Variants in FBXO4 observed in about 807,000 individuals in gnomAD.
FBXO4 encodes F-box only protein 4.
Under a neutral mutation model 43.7 loss-of-function variants are expected in FBXO4, and 36 were observed. The observed-to-expected ratio is 0.82, with a 90% CI of 0.63 to 1.09. The LOEUF (loss-of-function observed/expected upper bound fraction) is 1.09, where lower values mean the gene tolerates loss of function less well. Among genes scored for constraint, FBXO4 ranks in the 50% least tolerant of loss-of-function variants. The pLI, the probability that FBXO4 is intolerant of heterozygous loss-of-function variation, is 0.00. For synonymous variants in FBXO4, 180 were observed against 165.6 expected (o/e 1.09, Z -0.67); for missense variants, 435 against 474.1 (o/e 0.92, Z 0.77).
the FBXO4 span, among the ~76,000 whole-genome samples, chr5:42,020,706 A>C: frequency 1.3e-5 from 2 of 152,172 alleles, no homozygotes; most frequent in African/African-American, 4.8e-5. Flanking sequence ...AAATAGAAGA[A>C]ACCACAGCCA....
intron 1 of FBXO4, among the ~76,000 whole-genome samples, chr5:41,925,816 G>A (rs1344737854): frequency 1.3e-5 from 2 of 152,166 alleles, no homozygotes; most frequent in South Asian, 2.1e-4. Flanking sequence ...CTGAATGTCC[G>A]GTTACGGAAA....
the FBXO4 span, among the ~76,000 whole-genome samples, chr5:41,985,579 G>C: frequency 4.6e-5 from 7 of 152,118 alleles, no homozygotes; most frequent in Non-Finnish European, 8.8e-5. Context: ...GAAGAATATA[G>C]GCTTAGTGTT....
intron 5 of FBXO4, chr5:41,934,786 GTAGATTAGTTGAGAACAC>G: frequency 9.9e-7 from 1 of 1,005,034 alleles, no homozygotes; most frequent in Non-Finnish European, 1.2e-6. Flanking sequence ...AGGGTGTTAA[GTAGATTAGTTGAGAACAC>G]TATTCATATA....
rs368412426 is a variant in FBXO4 at position 41,936,449 on chromosome 5, G to A, written c.898+2141G>A. Among the ~76,000 whole-genome samples, 3 of 152,000 alleles carry A rather than the reference G, an allele frequency of 2.0e-5. No individual in the cohort carries two copies. The East Asian group carries it at 5.8e-4, about 29-fold the overall frequency. On this transcript the variant is annotated intron_variant, in intron 5 of 6. Transcript: ENST00000281623. ...CTTGGGAGGCTGAGGCAGGAGAATC[G>A]CTTGAGCCTGGGAGGCAGAGGTTAC...
the FBXO4 span, among the ~76,000 whole-genome samples, chr5:41,979,207 C>A: frequency 7.6e-4 from 115 of 152,310 alleles, no homozygotes; most frequent in African/African-American, 2.7e-3. Context: ...GCCATCCAGA[C>A]AACCATAGGT....
chr5:42,013,403 A>G, the FBXO4 span, among the ~76,000 whole-genome samples: 1 of 152,210 alleles, frequency 6.6e-6, no homozygotes, highest in Non-Finnish European at 1.5e-5. Context: ...CCATGTAGGC[A>G]TCCTTGTCAG....
the FBXO4 span, among the ~76,000 whole-genome samples, chr5:41,961,659 A>G: frequency 3.6e-3 from 552 of 152,316 alleles, 5 homozygotes; most frequent in African/African-American, 9.7e-3. Flanking sequence ...AGTACCTGGA[A>G]TGAAACTATG....
the FBXO4 span, among the ~76,000 whole-genome samples, chr5:41,976,112 G>A: frequency 1.3e-5 from 2 of 152,140 alleles, no homozygotes; most frequent in Non-Finnish European, 2.9e-5. Context: ...AGCCATTCAT[G>A]AAGGATTTGT....
the FBXO4 span, among the ~76,000 whole-genome samples, chr5:41,969,909 T>C: frequency 6.6e-6 from 1 of 152,140 alleles, no homozygotes; most frequent in Non-Finnish European, 1.5e-5. Context: ...TCTTGAGTTC[T>C]ATTTTAAATA....
chr5:41,991,398 T>C, the FBXO4 span, among the ~76,000 whole-genome samples: 1 of 152,192 alleles, frequency 6.6e-6, no homozygotes, highest in African/African-American at 2.4e-5. Context: ...TCCTCAGAAA[T>C]TCCTGCTCTT....
the FBXO4 span, among the ~76,000 whole-genome samples, chr5:41,969,228 C>A: frequency 6.6e-6 from 1 of 152,244 alleles, no homozygotes; most frequent in Non-Finnish European, 1.5e-5. Context: ...TCACTTTTTC[C>A]TTTTCTTACT....
chr5:41,925,654 T>C (rs1751464172), intron 1 of FBXO4, among the ~76,000 whole-genome samples, 156 bp downstream of exon 1: 1 of 151,598 alleles, frequency 6.6e-6, no homozygotes. Context: ...ACCGAGAAGC[T>C]ACAGTTGATC....
chr5:41,952,686 C>T, the FBXO4 span, among the ~76,000 whole-genome samples: 2 of 152,236 alleles, frequency 1.3e-5, no homozygotes, highest in Admixed American at 1.3e-4. Context: ...TAGACTTACC[C>T]ATTGTGGACA....
downstream of FBXO4, among the ~76,000 whole-genome samples, chr5:41,943,423 C>G (rs1414351086): frequency 6.6e-6 from 1 of 152,046 alleles, no homozygotes; most frequent in Non-Finnish European, 1.5e-5. Context: ...TCTCAGTTTT[C>G]TCATGTACAA....
the FBXO4 span, among the ~76,000 whole-genome samples, chr5:42,004,756 A>G: frequency 6.6e-6 from 1 of 152,162 alleles, no homozygotes; most frequent in Non-Finnish European, 1.5e-5. Flanking sequence ...AACCACAAGA[A>G]GTTTCTACGC....
the FBXO4 span, among the ~76,000 whole-genome samples, chr5:42,027,648 G>T: frequency 1.3e-5 from 2 of 151,532 alleles, no homozygotes; most frequent in Non-Finnish European, 3.0e-5. Flanking sequence ...TTTATTTGAA[G>T]TTTTTCCTGT....
chr5:41,931,055 T>C (rs10071732), intron 3 of FBXO4, among the ~76,000 whole-genome samples: 1,853 of 152,236 alleles, frequency 0.012, 40 homozygotes, highest in African/African-American at 0.043. Flanking sequence ...AAAAGACACA[T>C]ATGTACCATG....
At chr5:41,997,375 A>G in the FBXO4 span, among the ~76,000 whole-genome samples, 2 of 152,190 alleles carry the variant, frequency 1.3e-5, no homozygotes, top group African/African-American at 2.4e-5. Flanking sequence ...TGGTGGCACT[A>G]ATCTCCACAA....
At chr5:41,966,653 A>G in the FBXO4 span, among the ~76,000 whole-genome samples, 8 of 152,298 alleles carry the variant, frequency 5.3e-5, no homozygotes, top group South Asian at 1.4e-3. Context: ...CTGGTTACCA[A>G]TCGATACGTA....
Sources: allele counts gnomAD v4.1 joint callset (sites outside exome capture counted in the v4.1 genomes callset), GRCh38; gene constraint gnomAD v4.1.1; transcripts MANE v1.5; gene names NCBI Gene and HGNC (gene_info 2026-07-23, HGNC 2026-07-21).